WHAMM: variants seen among roughly 807,000 people sequenced by gnomAD.
WHAMM encodes WASP homolog-associated protein with actin, membranes and microtubules.
Under a neutral mutation model 76.5 loss-of-function variants are expected in WHAMM, and 67 were observed. The observed-to-expected ratio is 0.88, with a 90% CI of 0.72 to 1.07. WHAMM has a LOEUF of 1.07. WHAMM is among the 50% of genes least tolerant of loss of function. The pLI is 0.00. For missense variants in WHAMM, 1,021 were observed against 1,051.1 expected, an observed-to-expected ratio of 0.97 and a Z score of 0.40; for synonymous variants, 419 against 422.1, an observed-to-expected ratio of 0.99 and a Z score of 0.09.
chr15:82,820,896 C>CAAAAAAAAA (rs60974626), intron 5 of WHAMM, among the ~76,000 whole-genome samples: 22 of 119,586 alleles, frequency 1.8e-4, no homozygotes, highest in African/African-American at 1.9e-4. Context: ...GACTCTGTCT[C>CAAAAAAAAA]AAAAAAAAAA....
intron 4 of WHAMM, among the ~76,000 whole-genome samples, chr15:82,818,924 C>T (rs2050773677): frequency 6.6e-6 from 1 of 152,162 alleles, no homozygotes; most frequent in Admixed American, 6.5e-5. Flanking sequence ...AGAAAGTGAT[C>T]CCTCTCTTTC....
chr15:82,833,682 C>A lies in WHAMM; in HGVS notation c.*146C>A. On this transcript the variant is annotated 3_prime_UTR_variant, in exon 10 of 10. Coordinates refer to ENST00000286760, the MANE Select transcript of WHAMM (RefSeq NM_001080435.3). The stretch of plus-strand genomic sequence containing the variant: ...CAGCAGGGCCTTGTGTAGGCTGCTG[C>A]AGCATTTTTTTTTTTTTTCTTTTTT... 2.3e-6 allele frequency: 2 copies of A among 865,174 alleles called. No individual in the cohort carries two copies. The highest frequency in any genetic ancestry group is 3.4e-6 in the Non-Finnish European group (2 of 584,738). The allele number at this position is 865,174 out of a possible 1,614,324, so 53.6% of individuals were successfully genotyped here. A position where few individuals can be genotyped will look rare whatever the true frequency, so the allele number is the denominator to read the frequency against.
Position 82,810,165 on chromosome 15 carries a change from G to T in WHAMM, c.439G>T (p.Gly147Trp). 3 of 1,398,394 alleles carry T rather than the reference G, an allele frequency of 2.1e-6. No individual in the cohort carries two copies. Among genetic ancestry groups the T allele is most frequent in the Non-Finnish European group, 9.3e-7 (1 of 1,071,416 alleles). 86.6% of individuals were successfully genotyped at this position (1,398,394 alleles called of 1,614,324 possible). A position where few individuals can be genotyped will look rare whatever the true frequency, so the allele number is the denominator to read the frequency against. ...PGEAALQELC[G>W]QLERYLGAAA... is the part of the protein sequence containing the mutation. ...CGAGGCGGCGCTGCAGGAGCTGTGC[G>T]GGCAGCTGGAACGCTATCTGGGCGC... Residue 147 changes from glycine to tryptophan, a missense_variant, in exon 1 of 10, where the codon GGG becomes TGG. Transcript: ENST00000286760.
intron 6 of WHAMM, among the ~76,000 whole-genome samples, chr15:82,824,954 C>G (rs1233117225): frequency 3.3e-5 from 5 of 152,000 alleles, no homozygotes. Flanking sequence ...GCCAGAAGTT[C>G]AAGACCAGGG....
Position 82,833,610 on chromosome 15 carries a change from A to T in WHAMM, c.*74A>T. On this transcript the variant is annotated 3_prime_UTR_variant, in exon 10 of 10. Coordinates refer to ENST00000286760, the MANE Select transcript of WHAMM (RefSeq NM_001080435.3). ...GTGAGTCTTAGACCTATCGAAAAGC[A>T]TACTAACAGGGTGCTGATAGATGGG... is the stretch of plus-strand genomic sequence containing the variant. 1 of 1,501,284 alleles carries T rather than the reference A, an allele frequency of 6.7e-7. No homozygotes were observed. The highest frequency in any genetic ancestry group is 9.0e-7 in the Non-Finnish European group (1 of 1,114,684). The allele number at this position is 1,501,284 out of a possible 1,614,324, so 93.0% of individuals were successfully genotyped here. A position where few individuals can be genotyped will look rare whatever the true frequency, so the allele number is the denominator to read the frequency against.
chr15:82,835,203 T>G lies in WHAMM; in HGVS notation c.*1667T>G, dbSNP rs1187899855. 6.6e-6 allele frequency: 1 copy of G among 152,088 alleles called. No individual in the cohort carries two copies. The highest frequency in any genetic ancestry group is 1.9e-4 in the East Asian group (1 of 5,190). The allele number at this position is 152,088 out of a possible 1,614,324, so 9.4% of individuals were successfully genotyped here. A position where few individuals can be genotyped will look rare whatever the true frequency, so the allele number is the denominator to read the frequency against. ...GTGCGGTGGCACGATCTCAGCTCACTGCAACCTCTGCCTCCTGGGTTCAAG... is the reference window on the plus strand; with the variant it reads ...GTGCGGTGGCACGATCTCAGCTCACGGCAACCTCTGCCTCCTGGGTTCAAG... On this transcript the variant is annotated 3_prime_UTR_variant, in exon 10 of 10. Transcript: ENST00000286760.
At chr15:82,812,528 C>G (rs775907250) in intron 1 of WHAMM, among the ~76,000 whole-genome samples, 4 of 151,812 alleles carry the variant, frequency 2.6e-5, no homozygotes, top group Non-Finnish European at 5.9e-5. Context: ...ACGCCTGGCC[C>G]TTACGAGCTT....
intron 6 of WHAMM, among the ~76,000 whole-genome samples, chr15:82,826,201 C>T (rs559870787): frequency 3.3e-5 from 5 of 152,216 alleles, no homozygotes; most frequent in South Asian, 2.1e-4. Flanking sequence ...TCTCTTAAAG[C>T]ACTCTGCTGG....
At position 82,813,160 on chromosome 15, in the gene WHAMM, G is replaced by A. The variant is rs1432061555; in HGVS notation, c.667G>A (p.Glu223Lys). The change falls in exon 2 of 10, where the codon GAG (glutamate) becomes AAG (lysine). Residue 223 changes from glutamate (E) to lysine (K), a missense_variant. Physicochemically the swap from Glu to Lys is moderately conservative, Grantham distance 56 (BLOSUM62 1). This residue lies in a region of WHAMM where 501 missense variants were observed against 524.9 expected (regional missense o/e 0.95). Transcript: ENST00000286760. ...GGTAGCATTAATGAACGTTTACCAA[G>A]AGGAAGATGAAGCATACCAGGAATT... ...TMVALMNVYQ[E>K]EDEAYQELVT... is the part of the protein sequence containing the mutation. 3 of 1,610,460 alleles carry A rather than the reference G, an allele frequency of 1.9e-6. No individual in the cohort carries two copies. The highest frequency in any genetic ancestry group is 1.7e-6 in the Non-Finnish European group (2 of 1,178,974).
Position 82,833,676 on chromosome 15 carries a change from C to A in WHAMM, c.*140C>A. On this transcript the variant is annotated 3_prime_UTR_variant, in exon 10 of 10. Transcript: ENST00000286760. The stretch of plus-strand genomic sequence containing the variant: ...GAAGATCAGCAGGGCCTTGTGTAGG[C>A]TGCTGCAGCATTTTTTTTTTTTTTC... The A allele has an allele frequency of 2.2e-6, 2 of 893,822 alleles. No individual in the cohort carries two copies. The highest frequency in any genetic ancestry group is 3.3e-6 in the Non-Finnish European group (2 of 609,080). The allele number at this position is 893,822 out of a possible 1,614,324, so 55.4% of individuals were successfully genotyped here.
Position 82,834,454 on chromosome 15 carries a change from C to T in WHAMM, c.*918C>T, listed in dbSNP as rs1437569690. 6.6e-6 allele frequency: 1 copy of T among 152,614 alleles called. No homozygotes were observed. The highest frequency in any genetic ancestry group is 2.4e-5 in the African/African-American group (1 of 41,462). The allele number at this position is 152,614 out of a possible 1,614,324, so 9.5% of individuals were successfully genotyped here. On this transcript the variant is annotated 3_prime_UTR_variant, in exon 10 of 10. Transcript: ENST00000286760. Reference sequence around the variant, plus strand: ...AAGACCCATCGGAAGTGTCGCTGGCCTAAGAGAAGAGCACTTATTTCTCAC... The same window carrying T: ...AAGACCCATCGGAAGTGTCGCTGGCTTAAGAGAAGAGCACTTATTTCTCAC...
chr15:82,810,256 C>T lies in WHAMM; in HGVS notation c.530C>T (p.Ala177Val). Residue 177 changes from alanine (A) to valine (V), a missense_variant, in exon 1 of 10, where the codon GCC (alanine) becomes GTC (valine). Physicochemically the swap from Ala to Val is moderately conservative, Grantham distance 64. Coordinates refer to ENST00000286760, the MANE Select transcript of WHAMM (RefSeq NM_001080435.3). ...CTCTTCCCGGCTGAGGGCGGCGCGG[C>T]CGACTGCGAAAGCCCGCGCGAGTTC... ...DALFPAEGGA[A>V]DCESPREFRE... The T allele has an allele frequency of 7.2e-7, 1 of 1,389,250 alleles. No individual in the cohort carries two copies. Among genetic ancestry groups the T allele is most frequent in the South Asian group, 1.5e-5 (1 of 64,882 alleles). 86.1% of individuals were successfully genotyped at this position (1,389,250 alleles called of 1,614,324 possible).
At chr15:82,822,837 T>TATAC (rs1555414238) in intron 5 of WHAMM, among the ~76,000 whole-genome samples, 15 of 151,864 alleles carry the variant, frequency 9.9e-5, no homozygotes, top group African/African-American at 3.6e-4. Context: ...TATATATATA[T>TATAC]ACACACATAT....
chr15:82,827,541 A>G (rs1376509840), intron 8 of WHAMM, among the ~76,000 whole-genome samples: 1 of 152,230 alleles, frequency 6.6e-6, no homozygotes, highest in Non-Finnish European at 1.5e-5. Context: ...TTTATGAGGT[A>G]TAGTGTGATA....
chr15:82,813,363 T>G, intron 2 of WHAMM, 87 bp downstream of exon 2: 1 of 1,188,520 alleles, frequency 8.4e-7, no homozygotes, highest in Non-Finnish European at 1.1e-6. Flanking sequence ...CAATCTCTGT[T>G]TGTACTTTGT....
intron 6 of WHAMM, among the ~76,000 whole-genome samples, chr15:82,825,951 G>A (rs983572532): frequency 6.6e-6 from 1 of 152,200 alleles, no homozygotes; most frequent in African/African-American, 2.4e-5. Context: ...AGGATTTTAT[G>A]TGCATATCGC....
At chr15:82,812,512 G>A (rs901436078) in intron 1 of WHAMM, among the ~76,000 whole-genome samples, 7 of 152,234 alleles carry the variant, frequency 4.6e-5, no homozygotes, top group Non-Finnish European at 8.8e-5. Context: ...ACAGGCGTGA[G>A]CCACCACGCC....
chr15:82,816,934 T>C, intron 3 of WHAMM, 92 bp downstream of exon 3: 1 of 1,274,300 alleles, frequency 7.8e-7, no homozygotes, highest in South Asian at 1.5e-5. Flanking sequence ...CACTAGGTAC[T>C]ATGTTTTCTA....
intron 5 of WHAMM, 52 bp from the exon 6 acceptor site, chr15:82,823,048 C>T (rs895055209): frequency 5.9e-5 from 74 of 1,252,842 alleles, no homozygotes; most frequent in Non-Finnish European, 7.4e-5. Flanking sequence ...AAATTCAATG[C>T]ATTTTTTAAA....
Sources: allele counts gnomAD v4.1 joint callset (sites outside exome capture counted in the v4.1 genomes callset), GRCh38; gene constraint gnomAD v4.1.1; regional missense constraint gnomAD v4.1.1; transcripts MANE v1.5; gene names NCBI Gene and HGNC (gene_info 2026-07-23, HGNC 2026-07-21).